The following CNOT7 variants were observed in gnomAD, a reference collection of about 807,000 sequenced individuals.
CNOT7 encodes CCR4-NOT transcription complex subunit 7.
Under a neutral mutation model 37.1 loss-of-function variants are expected in CNOT7, and 4 were observed. The observed-to-expected ratio is 0.11, with a 90% CI of 0.05 to 0.25. CNOT7 has a LOEUF of 0.25. Ranked by LOEUF, CNOT7 falls within the 10% of genes least tolerant of loss-of-function variation. The probability of loss-of-function intolerance (pLI) is 1.00; values close to 1 mark genes in which losing one functional copy is unlikely to be tolerated. For synonymous variants in CNOT7, 128 were observed against 115.6 expected (o/e 1.11, Z -0.69); for missense variants, 170 against 336.2 (o/e 0.51, Z 3.87).
intron 4 of CNOT7, among the ~76,000 whole-genome samples, chr8:17,235,786 A>T (rs912960398): frequency 9.9e-5 from 15 of 152,252 alleles, no homozygotes; most frequent in African/African-American, 3.6e-4. Flanking sequence ...TGAGGAAAAC[A>T]ACTAATGATA....
At chr8:17,232,293 G>A (rs1808742113) in intron 6 of CNOT7, 134 bp downstream of exon 6, 3 of 1,530,240 alleles carry the variant, frequency 2.0e-6, no homozygotes, top group Admixed American at 2.4e-5. Flanking sequence ...TAAGTGTGGT[G>A]GATGTGACTC....
intron 2 of CNOT7, 73 bp from the exon 3 acceptor site, chr8:17,243,258 T>G: frequency 8.2e-7 from 1 of 1,223,230 alleles, no homozygotes; most frequent in Non-Finnish European, 1.2e-6. Context: ...TAATTTTTGA[T>G]GCAAATCAAA....
chr8:17,236,724 G>A (rs1327832384), intron 4 of CNOT7, among the ~76,000 whole-genome samples: 2 of 151,990 alleles, frequency 1.3e-5, no homozygotes, highest in East Asian at 3.9e-4. Context: ...AAAACTGTCT[G>A]CCCACCCCCA....
At chr8:17,246,020 T>C (rs1257118086) in intron 1 of CNOT7, 1 of 150,468 alleles carries the variant, frequency 6.6e-6, no homozygotes, top group Non-Finnish European at 1.5e-5. Context: ...GAGTCACAAA[T>C]GTAACTTCCA....
chr8:17,235,438 C>A (rs1412490394), intron 4 of CNOT7, among the ~76,000 whole-genome samples: 1 of 152,174 alleles, frequency 6.6e-6, no homozygotes, highest in Non-Finnish European at 1.5e-5. Flanking sequence ...CAATTCTCTT[C>A]CTTTCAGTGT....
intron 3 of CNOT7, chr8:17,242,175 C>A (rs575641816): frequency 7.9e-5 from 12 of 152,304 alleles, no homozygotes; most frequent in Non-Finnish European, 1.0e-4. Flanking sequence ...GTGCACACTC[C>A]ACTCAGGTAG....
chr8:17,243,582 A>G (rs1810486093), intron 2 of CNOT7: 2 of 460,034 alleles, frequency 4.3e-6, no homozygotes, highest in South Asian at 3.1e-5. Context: ...TGTACTTTCC[A>G]ATTGCTTCTC....
rs1343463806 is a variant in CNOT7 at position 17,246,839 on chromosome 8, G to C, written c.-260C>G. ...AGCAGGAGCTGCGCCGCACCGTGCT[G>C]CGCCGTCGCTTTTCGCACGTCCTGA... is the stretch of plus-strand genomic sequence containing the variant. On this transcript the variant is annotated 5_prime_UTR_variant, in exon 1 of 7. Transcript: ENST00000361272. 3.4e-6 allele frequency: 1 copy of C among 297,210 alleles called. No individual in the cohort carries two copies. The highest frequency in any genetic ancestry group is 5.1e-5 in the Admixed American group (1 of 19,584). 18.4% of individuals were successfully genotyped at this position (297,210 alleles called of 1,614,324 possible). A position where few individuals can be genotyped will look rare whatever the true frequency, so the allele number is the denominator to read the frequency against.
At chr8:17,240,809 C>G (rs904203615) in intron 3 of CNOT7, among the ~76,000 whole-genome samples, 2 of 152,086 alleles carry the variant, frequency 1.3e-5, no homozygotes, top group Non-Finnish European at 2.9e-5. Flanking sequence ...AGATGTAGTT[C>G]TTATAAAAGG....
chr8:17,228,646 T>C lies in CNOT7; in HGVS notation c.*2074A>G, dbSNP rs558756151. The C allele has an allele frequency of 2.6e-5, 4 of 152,026 alleles. No homozygotes were observed. Among genetic ancestry groups the C allele is most frequent in the East Asian group, 1.9e-4 (1 of 5,178 alleles). 9.4% of individuals were successfully genotyped at this position (152,026 alleles called of 1,614,324 possible). On this transcript the variant is annotated 3_prime_UTR_variant, in exon 7 of 7. Transcript: ENST00000361272. ...ACCTCTCAATACACCCACTGTAAAG[T>C]TGAAAAATCATTAAGTCGAAAGTAA...
rs1809113536 is a variant in CNOT7 at position 17,234,759 on chromosome 8, A to G, written c.575T>C (p.Ile192Thr). The G allele has an allele frequency of 6.2e-7, 1 of 1,614,012 alleles. No individual in the cohort carries two copies. Among genetic ancestry groups the G allele is most frequent in the African/African-American group, 1.3e-5 (1 of 74,936 alleles). Residue 192 changes from isoleucine to threonine, a missense_variant, in exon 5 of 7, where the codon ATT becomes ACT. By Grantham distance (89) the Ile-to-Thr change is moderately conservative. Around this residue, in one of 6 missense-constraint regions of CNOT7, gnomAD observed 68 missense variants for 151.1 expected, o/e 0.45. Transcript: ENST00000361272. ...CTTCATGAGGTACTTCACATCATAA[A>G]TGACAGGAAAAAACAATCGAAGGAT... ...FEILRLFFPVIYDVKYLMKSC... is the reference protein window; with the variant it reads ...FEILRLFFPVTYDVKYLMKSC...
Position 17,230,805 on chromosome 8 carries a change from T to TG in CNOT7, c.772dup (p.His258ProfsTer21). The TG allele has an allele frequency of 6.2e-7, 1 of 1,608,442 alleles. No individual in the cohort carries two copies. Among genetic ancestry groups the TG allele is most frequent in the Non-Finnish European group, 8.5e-7 (1 of 1,175,880 alleles). Reference sequence around the variant, plus strand: ...TGAACCAGAACCAAGGCCATACAAATGACCACAATATTTGGCATCATCAAT... The same window carrying TG: ...TGAACCAGAACCAAGGCCATACAAATGGACCACAATATTTGGCATCATCAAT... On this transcript the variant is annotated frameshift_variant, in exon 7 of 7. Coordinates refer to ENST00000361272, the MANE Select transcript of CNOT7 (RefSeq NM_013354.7). LOFTEE classifies it high-confidence loss of function.
chr8:17,237,098 G>A, intron 4 of CNOT7, 114 bp downstream of exon 4: 1 of 972,334 alleles, frequency 1.0e-6, no homozygotes, highest in Non-Finnish European at 1.6e-6. Context: ...AACTCTATAT[G>A]GCAGTCAACT....
Position 17,232,608 on chromosome 8 carries a change from T to C in CNOT7, c.619-71A>G, listed in dbSNP as rs143765013. On this transcript the variant is annotated intron_variant, in intron 5 of 6. Transcript: ENST00000361272. The stretch of plus-strand genomic sequence containing the variant: ...GGCCTAAATTCACAAATTATAAACT[T>C]AGACGCTGACCAAAATAAAAATAAA... 8.4e-4 allele frequency: 1,125 copies of C among 1,333,010 alleles called. 15 individuals carry two copies. In the African/African-American group the frequency reaches 0.014, roughly 17 times the overall value. 82.6% of individuals were successfully genotyped at this position (1,333,010 alleles called of 1,614,324 possible). A position where few individuals can be genotyped will look rare whatever the true frequency, so the allele number is the denominator to read the frequency against.
chr8:17,245,295 A>G, intron 1 of CNOT7, 48 bp from the exon 2 acceptor site: 2 of 792,648 alleles, frequency 2.5e-6, no homozygotes, highest in East Asian at 3.1e-5. Context: ...TCAAATCTGA[A>G]TCACAGAATA....
intron 6 of CNOT7, chr8:17,231,527 C>T (rs1358907797): frequency 2.0e-6 from 2 of 984,954 alleles, no homozygotes; most frequent in African/African-American, 1.7e-5. Flanking sequence ...AGCAAAACAG[C>T]TTTAATGCTT....
rs1381023074 is a variant in CNOT7 at position 17,237,389 on chromosome 8, G to T, written c.312-16C>A. On this transcript the variant is annotated splice_polypyrimidine_tract_variant and intron_variant, in intron 3 of 6. Transcript: ENST00000361272. ...CATGTCCTCCCTGGCAGAAGAAAGA[G>T]AAAGACAACATTCAAACATGCCATT... 1.2e-6 allele frequency: 2 copies of T among 1,612,172 alleles called. No individual in the cohort carries two copies. The highest frequency in any genetic ancestry group is 2.7e-5 in the African/African-American group (2 of 74,906).
Position 17,230,895 on chromosome 8 carries a change from G to A in CNOT7, c.730-47C>T, listed in dbSNP as rs766245247. On this transcript the variant is annotated intron_variant, in intron 6 of 6. Transcript: ENST00000361272. The stretch of plus-strand genomic sequence containing the variant: ...AAAAAAAAGATAATTTTAACCAAAA[G>A]GAACCACTTGTAATTTATATTTCAG... The A allele has an allele frequency of 2.9e-6, 4 of 1,359,334 alleles. No individual in the cohort carries two copies. In the South Asian group the frequency reaches 3.9e-5, roughly 13 times the overall value. The allele number at this position is 1,359,334 out of a possible 1,614,324, so 84.2% of individuals were successfully genotyped here.
chr8:17,244,787 C>G, intron 2 of CNOT7: 1 of 395,684 alleles, frequency 2.5e-6, no homozygotes, highest in South Asian at 3.3e-5. Flanking sequence ...CTTCCTAACT[C>G]TTATTCAAAC....
Sources: gnomAD v4.1 joint callset for allele counts (sites outside exome capture counted in the v4.1 genomes callset) on GRCh38, gnomAD v4.1.1 for gene constraint, gnomAD v4.1.1 regional missense constraint, MANE v1.5 for transcripts, NCBI Gene and HGNC (gene_info 2026-07-23, HGNC 2026-07-21) for gene names.